COL22A1: variants seen among roughly 807,000 people sequenced by gnomAD.
COL22A1 encodes the protein collagen type XXII alpha 1 chain.
In COL22A1, 221 loss-of-function variants were observed where a neutral mutation model predicts 248.9. The observed-to-expected ratio is 0.89, with a 90% CI of 0.80 to 0.99. The LOEUF (loss-of-function observed/expected upper bound fraction) is 0.99. Ranked by LOEUF, COL22A1 falls within the 50% of genes least tolerant of loss-of-function variation. The pLI, the probability that COL22A1 is intolerant of heterozygous loss-of-function variation, is 0.00. For missense variants in COL22A1, 2,240 were observed against 2,179.0 expected (o/e 1.03, Z -0.56); for synonymous variants, 891 against 793.4 (o/e 1.12, Z -2.07).
At chr8:138,706,506 T>C (rs1586519298) in intron 30 of COL22A1, among the ~76,000 whole-genome samples, 1 of 152,240 alleles carries the variant, frequency 6.6e-6, no homozygotes, top group East Asian at 1.9e-4. Flanking sequence ...CTCAACCACA[T>C]GGAAACTGAA....
chr8:138,907,520 AC>A (rs527817775), intron 1 of COL22A1, among the ~76,000 whole-genome samples: 135 of 152,360 alleles, frequency 8.9e-4, no homozygotes, highest in South Asian at 2.5e-3. Flanking sequence ...AAATTAATCC[AC>A]TAACTCACTC....
chr8:138,623,135 A>T (rs568359354), intron 52 of COL22A1, among the ~76,000 whole-genome samples: 6 of 151,874 alleles, frequency 4.0e-5, no homozygotes, highest in South Asian at 2.1e-4. Context: ...CTAGCACTTG[A>T]TCCATCTCAT....
At chr8:138,828,969 A>C (rs529956795) in intron 5 of COL22A1, among the ~76,000 whole-genome samples, 20 of 152,214 alleles carry the variant, frequency 1.3e-4, no homozygotes, top group Admixed American at 1.2e-3. Flanking sequence ...AGGAATGTAC[A>C]TGATATTGAC....
chr8:138,860,077 C>T (rs373531811), intron 3 of COL22A1, among the ~76,000 whole-genome samples: 1 of 152,184 alleles, frequency 6.6e-6, no homozygotes, highest in African/African-American at 2.4e-5. Context: ...TTCACCCACC[C>T]CACCTCTGAC....
chr8:138,763,702 C>T (rs1417051551), intron 16 of COL22A1, among the ~76,000 whole-genome samples: 1 of 152,194 alleles, frequency 6.6e-6, no homozygotes, highest in African/African-American at 2.4e-5. Context: ...TCAGACACAG[C>T]CACTTTGTTC....
At chr8:138,785,986 G>T (rs191511089) in intron 12 of COL22A1, among the ~76,000 whole-genome samples, 1 of 152,246 alleles carries the variant, frequency 6.6e-6, no homozygotes, top group African/African-American at 2.4e-5. Context: ...GAGAGGTAAT[G>T]GTCCTTAGAG....
chr8:138,784,306 G>A (rs1815305854), intron 12 of COL22A1, among the ~76,000 whole-genome samples: 1 of 152,174 alleles, frequency 6.6e-6, no homozygotes, highest in African/African-American at 2.4e-5. Context: ...TTGTTCAATG[G>A]GAAGGATAGG....
At chr8:138,885,259 G>C (rs901376895) in intron 1 of COL22A1, among the ~76,000 whole-genome samples, 2 of 152,148 alleles carry the variant, frequency 1.3e-5, no homozygotes, top group African/African-American at 4.8e-5. Flanking sequence ...CCTCCAGATG[G>C]TCAATCAGTT....
intron 12 of COL22A1, among the ~76,000 whole-genome samples, chr8:138,795,673 T>G (rs1346556763): frequency 6.6e-6 from 1 of 152,228 alleles, no homozygotes; most frequent in African/African-American, 2.4e-5. Context: ...CATCATCAAA[T>G]ACTGTTGCAT....
At chr8:138,704,600 C>T (rs1234640470) in intron 30 of COL22A1, among the ~76,000 whole-genome samples, 3 of 152,158 alleles carry the variant, frequency 2.0e-5, no homozygotes, top group Non-Finnish European at 4.4e-5. Context: ...ACAGAAAGGA[C>T]ATCCACACCA....
intron 15 of COL22A1, among the ~76,000 whole-genome samples, chr8:138,776,549 G>A (rs1460957589): frequency 6.6e-6 from 1 of 152,088 alleles, no homozygotes; most frequent in Non-Finnish European, 1.5e-5. Context: ...CTGCCCCTCT[G>A]TGTATAGACT....
chr8:138,633,132 T>C (rs1820865002), intron 49 of COL22A1, among the ~76,000 whole-genome samples: 1 of 152,216 alleles, frequency 6.6e-6, no homozygotes, highest in Non-Finnish European at 1.5e-5. Context: ...AAACAATGCA[T>C]ACATGACCAG....
At chr8:138,723,693 C>T (rs1414020654) in intron 25 of COL22A1, among the ~76,000 whole-genome samples, 1 of 152,192 alleles carries the variant, frequency 6.6e-6, no homozygotes, top group East Asian at 1.9e-4. Context: ...GCCATTCAGC[C>T]AGTGTTCCTC....
chr8:138,791,331 G>C (rs377504334), intron 12 of COL22A1, among the ~76,000 whole-genome samples: 3 of 152,302 alleles, frequency 2.0e-5, no homozygotes. Flanking sequence ...GAATCAGCGG[G>C]AGACAAATAC....
intron 56 of COL22A1, 74 bp downstream of exon 56, chr8:138,613,793 G>T: frequency 1.6e-6 from 2 of 1,284,884 alleles, no homozygotes; most frequent in South Asian, 1.2e-5. Context: ...GCACCAGAGG[G>T]AACTAACTAA....
At chr8:138,620,047 C>T (rs1004823345) in intron 52 of COL22A1, 5 of 161,382 alleles carry the variant, frequency 3.1e-5, no homozygotes, top group African/African-American at 1.2e-4. Flanking sequence ...GCCTTTTCCT[C>T]ACCCCATCAT....
Position 138,842,598 on chromosome 8 carries a change from G to A in COL22A1, c.733+1486C>T, listed in dbSNP as rs562257142. ...CAAGGCAAAAAGTGGGAATGTTGAA[G>A]TGAAACTGACCAGAAGGTTTACACC... On this transcript the variant is annotated intron_variant, in intron 4 of 64. Transcript: ENST00000303045. Among the ~76,000 whole-genome samples, 630 of 152,340 alleles carry A rather than the reference G, an allele frequency of 4.1e-3. 1 individual carries two copies. Among genetic ancestry groups the A allele is most frequent in the Non-Finnish European group, 7.7e-3 (524 of 68,038 alleles).
intron 12 of COL22A1, among the ~76,000 whole-genome samples, chr8:138,781,262 C>G (rs1446784258): frequency 6.6e-6 from 1 of 152,174 alleles, no homozygotes; most frequent in East Asian, 1.9e-4. Context: ...GGTCCATAGT[C>G]CTTCACTAGC....
intron 4 of COL22A1, among the ~76,000 whole-genome samples, chr8:138,839,764 T>C (rs1439681798): frequency 6.6e-6 from 1 of 152,212 alleles, no homozygotes; most frequent in Non-Finnish European, 1.5e-5. Flanking sequence ...GTGGCCAAAT[T>C]TGAGACCTGC....
Sources: allele counts gnomAD v4.1 joint callset (sites outside exome capture counted in the v4.1 genomes callset), GRCh38; gene constraint gnomAD v4.1.1; transcripts MANE v1.5; gene names NCBI Gene and HGNC (gene_info 2026-07-23, HGNC 2026-07-21).